The following SEMA6D variants were observed in gnomAD, a reference collection of about 807,000 sequenced individuals.
The protein encoded by SEMA6D is semaphorin-6D.
Under a neutral mutation model 106.6 loss-of-function variants are expected in SEMA6D, and 35 were observed. That is an observed-to-expected ratio of 0.33 (90% CI 0.25 to 0.44). SEMA6D has a LOEUF of 0.44. SEMA6D is among the 20% of genes least tolerant of loss of function. SEMA6D has a pLI of 1.00. For missense variants in SEMA6D, 1,185 were observed against 1,345.9 expected (o/e 0.88, Z 1.87); for synonymous variants, 499 against 487.7 (o/e 1.02, Z -0.31).
intron 2 of SEMA6D, among the ~76,000 whole-genome samples, chr15:47,412,774 A>G (rs181484695): frequency 2.4e-3 from 366 of 152,332 alleles, no homozygotes; most frequent in Non-Finnish European, 4.1e-3. Flanking sequence ...CAGAAGAGAT[A>G]TGATTATACA....
At chr15:47,215,441 T>C (rs1344179864) in intron 1 of SEMA6D, among the ~76,000 whole-genome samples, 1 of 152,094 alleles carries the variant, frequency 6.6e-6, no homozygotes, top group African/African-American at 2.4e-5. Flanking sequence ...AATGTATGTG[T>C]TTTAAATGAG....
intron 4 of SEMA6D, among the ~76,000 whole-genome samples, chr15:47,660,596 A>G (rs1199155971): frequency 6.6e-6 from 1 of 152,162 alleles, no homozygotes; most frequent in Non-Finnish European, 1.5e-5. Context: ...CTAGGAAGTG[A>G]CTGGGGTCTT....
intron 1 of SEMA6D, among the ~76,000 whole-genome samples, chr15:47,242,751 C>T (rs2032987531): frequency 6.6e-6 from 1 of 152,056 alleles, no homozygotes; most frequent in Non-Finnish European, 1.5e-5. Context: ...ATTATAAAAG[C>T]AACCCCTGAT....
At chr15:47,430,835 C>T (rs899088821) in intron 2 of SEMA6D, among the ~76,000 whole-genome samples, 1 of 152,078 alleles carries the variant, frequency 6.6e-6, no homozygotes, top group Non-Finnish European at 1.5e-5. Flanking sequence ...AGCGGTGTAG[C>T]CTCTTAGTTG....
intron 3 of SEMA6D, among the ~76,000 whole-genome samples, chr15:47,557,784 A>T (rs2045956618): frequency 6.6e-6 from 1 of 152,166 alleles, no homozygotes; most frequent in Admixed American, 6.6e-5. Flanking sequence ...TCTTCATCAA[A>T]GGGAAAGCGT....
At chr15:47,394,465 G>A (rs281302) in intron 1 of SEMA6D, among the ~76,000 whole-genome samples, 83,721 of 151,898 alleles carry the variant, frequency 0.55, 23,188 homozygotes, top group South Asian at 0.61. Flanking sequence ...AGAGAGTGGC[G>A]AATTAGTTGG....
chr15:47,679,408 A>C lies in SEMA6D; in HGVS notation c.-55+78512A>C, dbSNP rs539944101. Among the ~76,000 whole-genome samples, 6 of 152,310 alleles carry C rather than the reference A, an allele frequency of 3.9e-5. No individual in the cohort carries two copies. In the South Asian group the frequency reaches 1.2e-3, roughly 32 times the overall value. ...GTTTTCCATACATATTTTCTGGCTG[A>C]GAAATAAAAAAAAGTACTTCTTTGG... On this transcript the variant is annotated intron_variant, in intron 4 of 19. Transcript: ENST00000558014.
intron 3 of SEMA6D, among the ~76,000 whole-genome samples, chr15:47,488,508 A>G (rs1053605383): frequency 4.6e-5 from 7 of 152,100 alleles, no homozygotes; most frequent in African/African-American, 1.7e-4. Flanking sequence ...TCCATAGTAC[A>G]TAGTATGTAC....
chr15:47,761,760 C>T lies in SEMA6D; in HGVS notation c.538+9C>T. On this transcript the variant is annotated intron_variant, in intron 7 of 18. Transcript: ENST00000536845. ...TGTTGCCCTCTTTGCTGGTAAGATC[C>T]TTTAGCGTAATGAATATAAATGATT... 1 of 1,596,500 alleles carries T rather than the reference C, an allele frequency of 6.3e-7. No homozygotes were observed.
chr15:47,693,437 C>A (rs905549949), intron 4 of SEMA6D, among the ~76,000 whole-genome samples: 1 of 152,096 alleles, frequency 6.6e-6, no homozygotes, highest in African/African-American at 2.4e-5. Context: ...TTGTTTATAA[C>A]CTTAGGTGGA....
intron 1 of SEMA6D, among the ~76,000 whole-genome samples, chr15:47,189,297 T>C (rs1270012513): frequency 6.6e-6 from 1 of 152,164 alleles, no homozygotes; most frequent in Non-Finnish European, 1.5e-5. Context: ...TGGCAGCTTT[T>C]GAAATTTCTA....
At chr15:47,281,989 A>G (rs763525416) in intron 1 of SEMA6D, among the ~76,000 whole-genome samples, 2 of 152,178 alleles carry the variant, frequency 1.3e-5, no homozygotes, top group Admixed American at 6.6e-5. Context: ...GTTTTACACT[A>G]TACCCTATCC....
At chr15:47,715,137 A>G (rs2079087006), upstream of SEMA6D, among the ~76,000 whole-genome samples, 1 of 152,200 alleles carries the variant, frequency 6.6e-6, no homozygotes, top group Non-Finnish European at 1.5e-5. Context: ...ATTAAACTAC[A>G]TACCAATATG....
At chr15:47,523,728 C>T (rs1008135797) in intron 3 of SEMA6D, among the ~76,000 whole-genome samples, 3 of 152,178 alleles carry the variant, frequency 2.0e-5, no homozygotes, top group South Asian at 2.1e-4. Context: ...CTCCTAGTCA[C>T]CCCTTCTGTG....
At chr15:47,478,920 CT>C (rs1381864591) in intron 3 of SEMA6D, among the ~76,000 whole-genome samples, 1 of 152,088 alleles carries the variant, frequency 6.6e-6, no homozygotes, top group Non-Finnish European at 1.5e-5. Context: ...TGCAGAGGAA[CT>C]ACCCTTTATA....
intron 4 of SEMA6D, among the ~76,000 whole-genome samples, chr15:47,621,628 G>C (rs1393820322): frequency 6.6e-6 from 1 of 152,036 alleles, no homozygotes; most frequent in Non-Finnish European, 1.5e-5. Flanking sequence ...CTGTGCCCTA[G>C]AGCATGAAAA....
chr15:47,761,695 GT>G lies in SEMA6D; in HGVS notation c.483del (p.Ser161ArgfsTer51). ...TTAGAATATGATGGGGAAGAAATTA[GT>G]GGCCTGGCAAGATGCCCATTTGATG... ...STLEYDGEEI[S>X]GLARCPFDAR... On this transcript the variant is annotated frameshift_variant, in exon 7 of 19. Coordinates refer to ENST00000536845, the MANE Select transcript of SEMA6D (RefSeq NM_001358351.3). LOFTEE classifies it high-confidence loss of function. The G allele has an allele frequency of 2.5e-6, 4 of 1,613,446 alleles. No homozygotes were observed. The highest frequency in any genetic ancestry group is 3.4e-6 in the Non-Finnish European group (4 of 1,179,656).
At chr15:47,545,022 G>A (rs976503470) in intron 3 of SEMA6D, among the ~76,000 whole-genome samples, 2 of 152,042 alleles carry the variant, frequency 1.3e-5, no homozygotes, top group South Asian at 2.1e-4. Flanking sequence ...ACTATAATGG[G>A]AATTGCTATG....
In SEMA6D at chr15:47,242,828, A is replaced by G. The variant is rs1169071957; in HGVS notation, c.-239+58410A>G. Among the ~76,000 whole-genome samples the G allele has an allele frequency of 2.0e-5, 3 of 152,172 alleles. No individual in the cohort carries two copies. In the East Asian group the frequency reaches 5.8e-4, roughly 29 times the overall value. On this transcript the variant is annotated intron_variant, in intron 1 of 19. Coordinates refer to the SEMA6D transcript ENST00000558014. ...TCTCATTAACAAGAGAATACATTACATTTTAGTACATAACTAGGTGAATGT... is the reference window on the plus strand; with the variant it reads ...TCTCATTAACAAGAGAATACATTACGTTTTAGTACATAACTAGGTGAATGT...
Sources: gnomAD v4.1 joint callset for allele counts (sites outside exome capture counted in the v4.1 genomes callset) on GRCh38, gnomAD v4.1.1 for gene constraint, MANE v1.5 for transcripts, NCBI Gene and HGNC (gene_info 2026-07-23, HGNC 2026-07-21) for gene names.